Variants in RPS6KA1 observed in about 807,000 individuals in gnomAD.
The protein encoded by RPS6KA1 is ribosomal protein S6 kinase A1.
In RPS6KA1, 48 loss-of-function variants were observed where a neutral mutation model predicts 91.3. That is an observed-to-expected ratio of 0.53 (90% CI 0.42 to 0.67). The LOEUF is 0.67. Among genes scored for constraint, RPS6KA1 ranks in the 30% least tolerant of loss-of-function variants. The pLI is 0.00. For missense variants in RPS6KA1, 719 were observed against 960.5 expected (o/e 0.75, Z 3.32); for synonymous variants, 359 against 384.7 (o/e 0.93, Z 0.78).
At chr1:26,557,130 G>T in intron 13 of RPS6KA1, 30 bp downstream of exon 13, 1 of 1,580,788 alleles carries the variant, frequency 6.3e-7, no homozygotes, top group South Asian at 1.1e-5. Context: ...TGTCTGTCTT[G>T]GGCTGGTACA....
At chr1:26,560,896 G>T in intron 15 of RPS6KA1, 45 bp downstream of exon 15, 1 of 1,613,312 alleles carries the variant, frequency 6.2e-7, no homozygotes. Flanking sequence ...TGGGTTGGGG[G>T]CAGGTCCCCG....
intron 14 of RPS6KA1, among the ~76,000 whole-genome samples, chr1:26,560,202 C>A (rs1239095496): frequency 2.0e-5 from 3 of 152,256 alleles, no homozygotes; most frequent in Admixed American, 6.5e-5. Context: ...GGCCGTGGGG[C>A]ATGCAGTCAC....
At position 26,547,944 on chromosome 1, in the gene RPS6KA1, C is replaced by T. The variant is rs531094160; in HGVS notation, c.307+674C>T. Among the ~76,000 whole-genome samples the T allele has an allele frequency of 3.3e-5, 5 of 152,090 alleles. No individual in the cohort carries two copies. Among genetic ancestry groups the T allele is most frequent in the South Asian group, 2.1e-4 (1 of 4,818 alleles). ...CAGCACTTTGGGAGGCTGAGGTGGG[C>T]GGGTCATTTGAGGTCAGGAGTTCAA... On this transcript the variant is annotated intron_variant, in intron 4 of 21. Coordinates refer to ENST00000374168, the MANE Select transcript of RPS6KA1 (RefSeq NM_002953.4). This position sits in a 1 kb window ranked among gnomAD's most constrained non-coding sequence, Gnocchi z 4.1.
In RPS6KA1 at chr1:26,573,295, A is replaced by G. The variant is rs1363450306; in HGVS notation, c.2019A>G (p.Pro673=). ...CAGCTAAGCAGGTTCTGCAGCATCCATGGGTCACCCAGAAAGACAAGCTTC... is the reference window on the plus strand; with the variant it reads ...CAGCTAAGCAGGTTCTGCAGCATCCGTGGGTCACCCAGAAAGACAAGCTTC... ...RLTAKQVLQH[P]WVTQKDKLPQ... is the part of the protein sequence containing the mutation. The change falls in exon 21 of 22, where the codon CCA becomes CCG. Residue 673 remains proline (P), a synonymous_variant. Coordinates refer to ENST00000374168, the MANE Select transcript of RPS6KA1 (RefSeq NM_002953.4). 1.2e-6 allele frequency: 2 copies of G among 1,614,014 alleles called. No homozygotes were observed. Among genetic ancestry groups the G allele is most frequent in the African/African-American group, 1.3e-5 (1 of 74,894 alleles).
chr1:26,549,935 A>G (rs866173855), intron 4 of RPS6KA1, among the ~76,000 whole-genome samples: 11 of 151,538 alleles, frequency 7.3e-5, no homozygotes, highest in African/African-American at 2.2e-4. Context: ...ACTGGAGTGC[A>G]ATGGTGCAAT....
rs946423986 is a variant in RPS6KA1 at position 26,555,381 on chromosome 1, C to T, written c.828-156C>T. Among the ~76,000 whole-genome samples the T allele has an allele frequency of 2.2e-4, 34 of 152,152 alleles. No homozygotes were observed. Among genetic ancestry groups the T allele is most frequent in the Admixed American group, 9.8e-4 (15 of 15,286 alleles). ...ACCTTCCAGAGCCCCTCTTTCATCCCTGGGGGCCTGTGGGTAGGATCCCTG... is the reference window on the plus strand; with the variant it reads ...ACCTTCCAGAGCCCCTCTTTCATCCTTGGGGGCCTGTGGGTAGGATCCCTG... On this transcript the variant is annotated intron_variant, in intron 10 of 21. Coordinates refer to ENST00000374168, the MANE Select transcript of RPS6KA1 (RefSeq NM_002953.4). This position sits in a 1 kb window ranked among gnomAD's most constrained non-coding sequence, Gnocchi z 4.3.
At chr1:26,533,908 A>AC (rs1410316982) in intron 1 of RPS6KA1, among the ~76,000 whole-genome samples, 1 of 150,810 alleles carries the variant, frequency 6.6e-6, no homozygotes, top group African/African-American at 2.4e-5. Context: ...GCACCCCACA[A>AC]CCCCCCTGAC....
At position 26,571,838 on chromosome 1, in the gene RPS6KA1, C is replaced by T. The variant is rs1485130368; in HGVS notation, c.1753-11C>T. The T allele has an allele frequency of 1.2e-6, 2 of 1,607,530 alleles. No individual in the cohort carries two copies. The highest frequency in any genetic ancestry group is 1.1e-5 in the South Asian group (1 of 91,010). On this transcript the variant is annotated splice_polypyrimidine_tract_variant and intron_variant, in intron 18 of 21. Coordinates refer to ENST00000374168, the MANE Select transcript of RPS6KA1 (RefSeq NM_002953.4). The surrounding 1 kb of genome is among the most constrained non-coding windows in gnomAD (Gnocchi z 5.1). ...CCCCCAGACTGACCACCTCCCCTGC[C>T]CTGTTGCCAGGTGCTGAAGCGCCAG...
chr1:26,565,216 G>A (rs2076189024), intron 17 of RPS6KA1, among the ~76,000 whole-genome samples: 1 of 152,164 alleles, frequency 6.6e-6, no homozygotes, highest in African/African-American at 2.4e-5. Flanking sequence ...CCTCTGGGTT[G>A]GTTTGTCAGC....
intron 2 of RPS6KA1, among the ~76,000 whole-genome samples, chr1:26,537,470 A>G (rs1570420786): frequency 1.3e-5 from 2 of 152,128 alleles, no homozygotes; most frequent in South Asian, 4.1e-4. Flanking sequence ...TCCCAGTGTG[A>G]GGGTCATTCC....
In RPS6KA1 at chr1:26,539,321, A is replaced by G. The variant is rs1393262250; in HGVS notation, c.108+2352A>G. On this transcript the variant is annotated intron_variant, in intron 2 of 21. Coordinates refer to ENST00000374168, the MANE Select transcript of RPS6KA1 (RefSeq NM_002953.4). ...GAAGAGTTGGGGTGGGCTCTAGGGC[A>G]CAGGCCATGTTCCCTGCGGAACTGG... Among the ~76,000 whole-genome samples the G allele has an allele frequency of 1.3e-4, 20 of 152,228 alleles. 1 individual carries two copies. The highest frequency in any genetic ancestry group is 7.9e-4 in the Admixed American group (12 of 15,278).
At chr1:26,535,662 AG>A (rs2075900919) in intron 1 of RPS6KA1, among the ~76,000 whole-genome samples, 1 of 152,100 alleles carries the variant, frequency 6.6e-6, no homozygotes, top group Non-Finnish European at 1.5e-5. Context: ...GACTGACCAG[AG>A]GGGGGCTCTG....
intron 14 of RPS6KA1, among the ~76,000 whole-genome samples, chr1:26,560,363 T>C (rs2076143387): frequency 6.6e-6 from 1 of 152,224 alleles, no homozygotes; most frequent in South Asian, 2.1e-4. Flanking sequence ...AAGCCGTACT[T>C]AGTGGCACAG....
intron 13 of RPS6KA1, among the ~76,000 whole-genome samples, chr1:26,557,485 GAGGTGAC>G (rs932716764): frequency 9.8e-5 from 15 of 152,320 alleles, no homozygotes; most frequent in African/African-American, 3.6e-4. Flanking sequence ...TGGCTGAGCA[GAGGTGAC>G]AGTGCCCATA....
chr1:26,552,901 A>G, intron 6 of RPS6KA1: 1 of 373,182 alleles, frequency 2.7e-6, no homozygotes. Flanking sequence ...CTATAGGTAA[A>G]CATTTTTATT....
At chr1:26,541,163 T>C (rs114663590) in intron 2 of RPS6KA1, among the ~76,000 whole-genome samples, 4,782 of 150,924 alleles carry the variant, frequency 0.032, 233 homozygotes, top group African/African-American at 0.11. Context: ...CTCCATAGGC[T>C]GAGGTGGGAG....
In RPS6KA1 at chr1:26,571,500, G is replaced by T. The variant is rs538433194; in HGVS notation, c.1642G>T (p.Gly548Trp). ...CAACATCCTGTATGTGGACGAGTCC[G>T]GGAATCCCGAGTGCCTGCGCATCTG... is the stretch of plus-strand genomic sequence containing the variant. ...PSNILYVDES[G>W]NPECLRICDF... Residue 548 changes from glycine to tryptophan, a missense_variant, in exon 18 of 22, where the codon GGG (glycine) becomes TGG (tryptophan). Physicochemically the swap from Gly to Trp is radical, Grantham distance 184 (BLOSUM62 -2). Around this residue, in one of 5 missense-constraint regions of RPS6KA1, gnomAD observed 249 missense variants for 323.1 expected, o/e 0.77. Transcript: ENST00000374168. This position sits in a 1 kb window ranked among gnomAD's most constrained non-coding sequence, Gnocchi z 5.1. The T allele has an allele frequency of 6.2e-7, 1 of 1,614,180 alleles. No individual in the cohort carries two copies. Among genetic ancestry groups the T allele is most frequent in the South Asian group, 1.1e-5 (1 of 91,090 alleles).
intron 2 of RPS6KA1, chr1:26,545,706 G>C (rs542160914): frequency 5.5e-4 from 409 of 747,712 alleles, no homozygotes; most frequent in Non-Finnish European, 7.1e-4. Flanking sequence ...TCTGAGGAGA[G>C]GGGGAGAGAG....
chr1:26,545,753 G>A, intron 2 of RPS6KA1: 3 of 1,165,668 alleles, frequency 2.6e-6, no homozygotes, highest in Non-Finnish European at 3.4e-6. Context: ...GCCTGGTGCT[G>A]GGAAACCACA....
Sources: gnomAD v4.1 joint callset for allele counts (sites outside exome capture counted in the v4.1 genomes callset) on GRCh38, gnomAD v4.1.1 for gene constraint, gnomAD v4.1.1 regional missense constraint, Gnocchi (gnomAD v3.1) non-coding constraint, MANE v1.5 for transcripts, NCBI Gene and HGNC (gene_info 2026-07-23, HGNC 2026-07-21) for gene names.